The following PPP4R2 variants were observed in gnomAD, a reference collection of about 807,000 sequenced individuals.
PPP4R2 encodes the protein protein phosphatase 4 regulatory subunit 2.
A neutral mutation model predicts 47.2 loss-of-function variants in PPP4R2; 13 were observed. The observed-to-expected ratio is 0.28, with a 90% CI of 0.18 to 0.44. The LOEUF (loss-of-function observed/expected upper bound fraction) is 0.44, where lower values mean the gene tolerates loss of function less well. Ranked by LOEUF, PPP4R2 falls within the 20% of genes least tolerant of loss-of-function variation. The pLI, the probability that PPP4R2 is intolerant of heterozygous loss-of-function variation, is 1.00. For synonymous variants in PPP4R2, 151 were observed against 163.3 expected (o/e 0.92, Z 0.57); for missense variants, 421 against 491.2 (o/e 0.86, Z 1.35).
intron 3 of PPP4R2, among the ~76,000 whole-genome samples, chr3:73,048,057 A>G (rs953456391): frequency 6.6e-6 from 1 of 151,978 alleles, no homozygotes; most frequent in Non-Finnish European, 1.5e-5. Flanking sequence ...TTGTATTTTT[A>G]GTAGAGACAG....
At chr3:73,029,642 G>A (rs1702132519) in intron 2 of PPP4R2, among the ~76,000 whole-genome samples, 1 of 152,144 alleles carries the variant, frequency 6.6e-6, no homozygotes. Context: ...AATATTACTT[G>A]GCCAAATGGT....
chr3:73,003,494 G>A (rs932283350), intron 2 of PPP4R2, among the ~76,000 whole-genome samples: 6 of 152,138 alleles, frequency 3.9e-5, no homozygotes, highest in African/African-American at 1.4e-4. Context: ...GGGATTACGG[G>A]CATAGTCACT....
At chr3:73,064,768 A>T in intron 7 of PPP4R2, 84 bp from the exon 8 acceptor site, 2 of 1,202,588 alleles carry the variant, frequency 1.7e-6, no homozygotes, top group South Asian at 1.5e-5. Context: ...AATACAATTT[A>T]AAACATTATT....
At chr3:73,044,534 C>T (rs538608043) in intron 2 of PPP4R2, among the ~76,000 whole-genome samples, 1 of 152,054 alleles carries the variant, frequency 6.6e-6, no homozygotes, top group Non-Finnish European at 1.5e-5. Context: ...TGCAGTGAGC[C>T]GAGGTTGCAC....
intron 2 of PPP4R2, among the ~76,000 whole-genome samples, chr3:73,007,470 G>GT (rs908209888): frequency 8.5e-5 from 9 of 105,690 alleles, no homozygotes; most frequent in Non-Finnish European, 6.0e-5. Context: ...GTTTTTTTCT[G>GT]TTTTTTGTTT....
Position 73,065,463 on chromosome 3 carries a change from C to A in PPP4R2, c.995C>A (p.Ala332Asp), listed in dbSNP as rs868395259. The stretch of plus-strand genomic sequence containing the variant: ...AATCAAGAAAAAGAATCTGATGATG[C>A]CTTAACTGTGAATGAAGAGACTTCT... Reference protein sequence around the residue: ...RKNQEKESDDALTVNEETSEE... With the variant: ...RKNQEKESDDDLTVNEETSEE... Residue 332 changes from alanine (A) to aspartate (D), a missense_variant, in exon 9 of 9, where the codon GCC becomes GAC. By Grantham distance (126) the Ala-to-Asp change is moderately radical (BLOSUM62 -2). This residue lies in a region of PPP4R2 where 317 missense variants were observed against 287.5 expected (regional missense o/e 1.10). Coordinates refer to ENST00000356692, the MANE Select transcript of PPP4R2 (RefSeq NM_174907.4). 5.0e-6 allele frequency: 8 copies of A among 1,611,468 alleles called. No homozygotes were observed. The East Asian group carries it at 1.8e-4, about 36-fold the overall frequency.
chr3:73,013,688 G>C (rs1436831026), intron 2 of PPP4R2, among the ~76,000 whole-genome samples: 5 of 151,688 alleles, frequency 3.3e-5, no homozygotes, highest in Admixed American at 3.3e-4. Flanking sequence ...GCCTAGGCAG[G>C]AGTGCAGTGG....
rs549466296 is a variant in PPP4R2 at position 73,064,050 on chromosome 3, A to C, written c.542A>C (p.Lys181Thr). 1.1e-5 allele frequency: 18 copies of C among 1,613,198 alleles called. No individual in the cohort carries two copies. In the Admixed American group the frequency reaches 2.7e-4, roughly 24 times the overall value. Residue 181 changes from lysine to threonine, a missense_variant, in exon 7 of 9, where the codon AAG becomes ACG. Around this residue, in one of 2 missense-constraint regions of PPP4R2, gnomAD observed 317 missense variants for 287.5 expected, o/e 1.10. Transcript: ENST00000356692. ...PGTPRPLNRP[K>T]VSLSAPMTTN... Reference sequence around the variant, plus strand: ...ACACCCAGGCCACTTAATCGACCAAAGGTTTCTTTGTCAGCCCCCATGACA... The same window carrying C: ...ACACCCAGGCCACTTAATCGACCAACGGTTTCTTTGTCAGCCCCCATGACA...
At chr3:73,043,203 C>T (rs140446111) in intron 2 of PPP4R2, among the ~76,000 whole-genome samples, 1 of 152,088 alleles carries the variant, frequency 6.6e-6, no homozygotes, top group Non-Finnish European at 1.5e-5. Context: ...GTATGAAGTG[C>T]ATGTGGAGAG....
chr3:73,025,098 A>G (rs1347468933), intron 2 of PPP4R2, among the ~76,000 whole-genome samples: 3 of 152,134 alleles, frequency 2.0e-5, no homozygotes, highest in Non-Finnish European at 2.9e-5. Flanking sequence ...GATGAGAGAA[A>G]CAGAGCTGGC....
At chr3:73,028,036 C>T (rs1353405459) in intron 2 of PPP4R2, among the ~76,000 whole-genome samples, 1 of 149,364 alleles carries the variant, frequency 6.7e-6, no homozygotes, top group African/African-American at 2.5e-5. Flanking sequence ...GCAGGTGGAT[C>T]ACCTGAGGTC....
At chr3:73,047,855 T>C (rs975009494) in intron 3 of PPP4R2, among the ~76,000 whole-genome samples, 3 of 152,142 alleles carry the variant, frequency 2.0e-5, no homozygotes, top group Admixed American at 6.6e-5. Context: ...TGTACAAAAG[T>C]AAAACTCCCC....
intron 2 of PPP4R2, among the ~76,000 whole-genome samples, chr3:73,002,294 A>G (rs536023719): frequency 6.6e-6 from 1 of 152,320 alleles, no homozygotes; most frequent in East Asian, 1.9e-4. Context: ...GCTGTTGCCC[A>G]GGCTTTAGTG....
rs561211599 is a variant in PPP4R2, at chr3:73,050,472, T to A, written c.287+3116T>A. On this transcript the variant is annotated intron_variant, in intron 3 of 8. Coordinates refer to ENST00000356692, the MANE Select transcript of PPP4R2 (RefSeq NM_174907.4). ...TGTTTTTTATATATATATAGTTTTTTAAAATATTTACTAAGAAGTAACATT... is the reference window on the plus strand; with the variant it reads ...TGTTTTTTATATATATATAGTTTTTAAAAATATTTACTAAGAAGTAACATT... 4.6e-5 allele frequency among the ~76,000 whole-genome samples: 7 copies of A among 152,230 alleles called. No individual in the cohort carries two copies. In the East Asian group the frequency reaches 7.7e-4, roughly 17 times the overall value.
rs761206720 is a variant in PPP4R2 at position 73,021,902 on chromosome 3, T to TATA, written c.116+23744_116+23745insATA. On this transcript the variant is annotated intron_variant, in intron 2 of 8. Transcript: ENST00000356692. ...TGTGTATATATGCATATATATATAT[T>TATA]TTTTTTTTTTTTTTGAAACAATCTC... 1.5e-3 allele frequency among the ~76,000 whole-genome samples: 173 copies of TATA among 112,234 alleles called. 2 individuals are homozygous for TATA. The highest frequency in any genetic ancestry group is 6.6e-3 in the East Asian group (15 of 2,270). The allele number at this position is 112,234 out of a possible 152,430, so 73.6% of individuals were successfully genotyped here.
chr3:73,005,621 G>A (rs1028172697), intron 2 of PPP4R2, among the ~76,000 whole-genome samples: 1 of 151,802 alleles, frequency 6.6e-6, no homozygotes, highest in Non-Finnish European at 1.5e-5. Flanking sequence ...GGCTGAGGCC[G>A]GCGGATCACC....
intron 2 of PPP4R2, among the ~76,000 whole-genome samples, chr3:73,004,280 A>C (rs9854352): frequency 6.7e-6 from 1 of 150,278 alleles, no homozygotes; most frequent in Non-Finnish European, 1.5e-5. Context: ...GGCTCAGGCT[A>C]TCCTCCCGCC....
chr3:73,020,026 T>TA (rs1455871971), intron 2 of PPP4R2, among the ~76,000 whole-genome samples: 1 of 152,234 alleles, frequency 6.6e-6, no homozygotes, highest in Non-Finnish European at 1.5e-5. Flanking sequence ...TGTCACGATT[T>TA]CTTCAAAATA....
rs34010770 is a variant in PPP4R2, at chr3:73,021,848, A to ATGTG, written c.116+23720_116+23723dup. 9.6e-3 allele frequency among the ~76,000 whole-genome samples: 1,260 copies of ATGTG among 130,962 alleles called. 12 individuals carry two copies. The highest frequency in any genetic ancestry group is 0.018 in the South Asian group (73 of 4,152). 85.9% of individuals were successfully genotyped at this position (130,962 alleles called of 152,430 possible). On this transcript the variant is annotated intron_variant, in intron 2 of 8. Coordinates refer to ENST00000356692, the MANE Select transcript of PPP4R2 (RefSeq NM_174907.4). ...TAACAGTGAAGTATTACATTTCTAT[A>ATGTG]TGTGTGTGTGTGTGTGTGTGTGTGT... is the stretch of plus-strand genomic sequence containing the variant.
Sources: allele counts gnomAD v4.1 joint callset (sites outside exome capture counted in the v4.1 genomes callset), GRCh38; gene constraint gnomAD v4.1.1; regional missense constraint gnomAD v4.1.1; transcripts MANE v1.5; gene names NCBI Gene and HGNC (gene_info 2026-07-23, HGNC 2026-07-21).